ATP6V1H: variants seen among roughly 807,000 people sequenced by gnomAD.
ATP6V1H encodes the protein ATPase H+ transporting V1 subunit H.
In ATP6V1H, 39 loss-of-function variants were observed where a neutral mutation model predicts 71.7. That is an observed-to-expected ratio of 0.54 (90% CI 0.42 to 0.71). The LOEUF (loss-of-function observed/expected upper bound fraction) is 0.71, where lower values mean the gene tolerates loss of function less well. Among genes scored for constraint, ATP6V1H ranks in the 30% least tolerant of loss-of-function variants. The probability of loss-of-function intolerance (pLI) is 0.00; values close to 1 mark genes in which losing one functional copy is unlikely to be tolerated. For synonymous variants in ATP6V1H, 192 were observed against 199.3 expected (o/e 0.96, Z 0.31); for missense variants, 509 against 594.9 (o/e 0.86, Z 1.50).
In ATP6V1H at chr8:53,787,375, A is replaced by T. The variant is rs192441343; in HGVS notation, c.870+8272T>A. On this transcript the variant is annotated intron_variant, in intron 9 of 13. Coordinates refer to ENST00000359530, the MANE Select transcript of ATP6V1H (RefSeq NM_015941.4). Reference sequence around the variant, plus strand: ...CAGTGGTCAGAACAGCCCCACACACACAGACTAGAGCTAGCCTCTTTGAAA... The same window carrying T: ...CAGTGGTCAGAACAGCCCCACACACTCAGACTAGAGCTAGCCTCTTTGAAA... 2.2e-3 allele frequency among the ~76,000 whole-genome samples: 338 copies of T among 152,328 alleles called. 2 individuals are homozygous for T. Among genetic ancestry groups the T allele is most frequent in the African/African-American group, 7.9e-3 (328 of 41,564 alleles).
chr8:53,785,232 C>T (rs556532862), intron 9 of ATP6V1H, among the ~76,000 whole-genome samples: 1 of 152,276 alleles, frequency 6.6e-6, no homozygotes, highest in African/African-American at 2.4e-5. Flanking sequence ...AGGCTTTGTT[C>T]ATTTCTTTTC....
chr8:53,735,908 G>A (rs1420284591), intron 13 of ATP6V1H, among the ~76,000 whole-genome samples: 1 of 152,152 alleles, frequency 6.6e-6, no homozygotes, highest in Non-Finnish European at 1.5e-5. Context: ...GGCATCTCAG[G>A]ACAAGTGAAC....
chr8:53,817,392 A>G (rs984045117), intron 5 of ATP6V1H, 25 bp downstream of exon 5: 5 of 1,522,924 alleles, frequency 3.3e-6, no homozygotes, highest in Non-Finnish European at 4.5e-6. Context: ...TTTTAAAAAA[A>G]GAATCCAATC....
chr8:53,812,480 T>A (rs549876452), intron 6 of ATP6V1H, among the ~76,000 whole-genome samples: 7 of 152,320 alleles, frequency 4.6e-5, no homozygotes, highest in Non-Finnish European at 8.8e-5. Context: ...ACAAGCATAG[T>A]CAATCATTCC....
chr8:53,722,430 C>T (rs552642557), intron 13 of ATP6V1H, among the ~76,000 whole-genome samples: 5 of 152,178 alleles, frequency 3.3e-5, no homozygotes, highest in South Asian at 2.1e-4. Flanking sequence ...AGTTATGCAA[C>T]GTGCAGTGTG....
At chr8:53,734,526 T>C (rs762410786) in intron 13 of ATP6V1H, among the ~76,000 whole-genome samples, 3 of 152,230 alleles carry the variant, frequency 2.0e-5, no homozygotes, top group Non-Finnish European at 4.4e-5. Context: ...ACATCTACAC[T>C]GACTCTCAGT....
chr8:53,789,518 T>C (rs1295780646), intron 9 of ATP6V1H, among the ~76,000 whole-genome samples: 4 of 152,146 alleles, frequency 2.6e-5, no homozygotes, highest in African/African-American at 9.7e-5. Flanking sequence ...TGGTTTTTCA[T>C]AGAAACTTGC....
intron 9 of ATP6V1H, among the ~76,000 whole-genome samples, chr8:53,786,778 G>T (rs1007952032): frequency 2.6e-5 from 4 of 152,222 alleles, no homozygotes; most frequent in African/African-American, 9.6e-5. Flanking sequence ...GCAAATTAAT[G>T]GTGCAGAGGG....
At chr8:53,773,268 T>C (rs911572566) in intron 9 of ATP6V1H, among the ~76,000 whole-genome samples, 1 of 152,230 alleles carries the variant, frequency 6.6e-6, no homozygotes, top group Admixed American at 6.5e-5. Context: ...AGATAATGAA[T>C]AGAGTAGCAG....
chr8:53,736,041 C>T (rs1477861541), intron 13 of ATP6V1H, among the ~76,000 whole-genome samples: 2 of 152,200 alleles, frequency 1.3e-5, no homozygotes, highest in African/African-American at 4.8e-5. Context: ...ACGGCCGAAG[C>T]TTTAGGACTC....
Position 53,769,692 on chromosome 8 carries a change from A to T in ATP6V1H, c.1101T>A (p.Ser367Arg). ...SELKSGRLEW[S>R]PVHKSEKFWR... ...AAAATTTCTCAGATTTGTGCACAGGACTCCATTCCAACCTTCCAGATTTAA... is the reference window on the plus strand; with the variant it reads ...AAAATTTCTCAGATTTGTGCACAGGTCTCCATTCCAACCTTCCAGATTTAA... The change falls in exon 11 of 14, where the codon AGT becomes AGA. Residue 367 changes from serine (S) to arginine (R), a missense_variant. Ser to Arg is a moderately radical substitution (Grantham distance 110, BLOSUM62 -1). Around this residue, in one of 2 missense-constraint regions of ATP6V1H, gnomAD observed 212 missense variants for 291.6 expected, o/e 0.73. Coordinates refer to ENST00000359530, the MANE Select transcript of ATP6V1H (RefSeq NM_015941.4). 1 of 1,612,414 alleles carries T rather than the reference A, an allele frequency of 6.2e-7. No homozygotes were observed. The highest frequency in any genetic ancestry group is 8.5e-7 in the Non-Finnish European group (1 of 1,178,786).
At position 53,784,115 on chromosome 8, in the gene ATP6V1H, A is replaced by G. The variant is rs962263489; in HGVS notation, c.870+11532T>C. On this transcript the variant is annotated intron_variant, in intron 9 of 13. Coordinates refer to ENST00000359530, the MANE Select transcript of ATP6V1H (RefSeq NM_015941.4). ...ATATCTTGTTAACTTTCTGTCTAGT[A>G]GATCTGTCTAATGTTGACAGTGGGG... is the stretch of plus-strand genomic sequence containing the variant. Among the ~76,000 whole-genome samples the G allele has an allele frequency of 2.2e-3, 334 of 152,218 alleles. 2 individuals carry two copies. The highest frequency in any genetic ancestry group is 7.8e-3 in the African/African-American group (323 of 41,530).
intron 12 of ATP6V1H, among the ~76,000 whole-genome samples, chr8:53,748,786 T>C (rs1041293609): frequency 6.6e-6 from 1 of 152,236 alleles, no homozygotes; most frequent in Non-Finnish European, 1.5e-5. Context: ...TCTGTATTTT[T>C]CAAGTTTTCT....
At chr8:53,726,851 G>GTTTAAAGAATGGTC (rs1415618945) in intron 13 of ATP6V1H, among the ~76,000 whole-genome samples, 1 of 152,118 alleles carries the variant, frequency 6.6e-6, no homozygotes, top group Non-Finnish European at 1.5e-5. Flanking sequence ...CTCTGACCAT[G>GTTTAAAGAATGGTC]TTTAAAGAAT....
intron 1 of ATP6V1H, 199 bp downstream of exon 1, chr8:53,842,835 C>G (rs1441368295): frequency 6.6e-6 from 1 of 152,458 alleles, no homozygotes; most frequent in Non-Finnish European, 1.5e-5. Flanking sequence ...GTTTCTTCCC[C>G]CTGCGAGAAA....
intron 9 of ATP6V1H, among the ~76,000 whole-genome samples, chr8:53,788,865 A>C (rs1809470445): frequency 6.6e-6 from 1 of 152,110 alleles, no homozygotes; most frequent in Non-Finnish European, 1.5e-5. Context: ...TCAAAAGAAA[A>C]AACTTAGGAA....
chr8:53,839,467 A>C (rs1341032754), intron 2 of ATP6V1H, among the ~76,000 whole-genome samples: 2 of 152,176 alleles, frequency 1.3e-5, no homozygotes, highest in Non-Finnish European at 2.9e-5. Context: ...CCAGTTCCTT[A>C]AAGTAGGAAT....
intron 3 of ATP6V1H, chr8:53,832,218 T>A (rs1053306664): frequency 2.6e-5 from 4 of 152,196 alleles, no homozygotes; most frequent in African/African-American, 7.2e-5. Context: ...GTGTATAAGT[T>A]ATTTTATGCA....
intron 13 of ATP6V1H, among the ~76,000 whole-genome samples, chr8:53,727,852 G>A (rs1451485507): frequency 1.3e-5 from 2 of 152,132 alleles, no homozygotes; most frequent in African/African-American, 2.4e-5. Context: ...ACATTCCTGT[G>A]TGAGTCAATG....
Sources: allele counts gnomAD v4.1 joint callset (sites outside exome capture counted in the v4.1 genomes callset), GRCh38; gene constraint gnomAD v4.1.1; regional missense constraint gnomAD v4.1.1; transcripts MANE v1.5; gene names NCBI Gene and HGNC (gene_info 2026-07-23, HGNC 2026-07-21).